The following MAP3K13 variants were observed in gnomAD, a reference collection of about 807,000 sequenced individuals.
The protein encoded by MAP3K13 is mitogen-activated protein kinase kinase kinase 13.
MAP3K13 carries 52 observed loss-of-function variants against 104.0 expected under a neutral mutation model. The ratio of observed to expected loss-of-function variants is 0.50; its 90% confidence interval spans 0.40 to 0.63. The LOEUF (loss-of-function observed/expected upper bound fraction) is 0.63, where lower values mean the gene tolerates loss of function less well. Among genes scored for constraint, MAP3K13 ranks in the 20% least tolerant of loss-of-function variants. The probability of loss-of-function intolerance (pLI) is 0.00; values close to 1 mark genes in which losing one functional copy is unlikely to be tolerated. For synonymous variants in MAP3K13, 394 were observed against 442.2 expected (o/e 0.89, Z 1.37); for missense variants, 914 against 1,218.5 (o/e 0.75, Z 3.72).
Position 185,454,284 on chromosome 3 carries a change from T to G in MAP3K13, c.1278+2889T>G, listed in dbSNP as rs570740778. 1.1e-3 allele frequency among the ~76,000 whole-genome samples: 123 copies of G among 107,940 alleles called. 49 individuals are homozygous for G. In the Middle Eastern group the frequency reaches 0.039, roughly 35 times the overall value. 70.8% of individuals were successfully genotyped at this position (107,940 alleles called of 152,430 possible). On this transcript the variant is annotated intron_variant, in intron 7 of 13. Transcript: ENST00000265026. ...TATGAGATATATATCATATATATGA[T>G]ATATATGAGATATATATCATATATA...
chr3:185,342,188 C>A (rs1722744681), intron 2 of MAP3K13, among the ~76,000 whole-genome samples: 1 of 152,122 alleles, frequency 6.6e-6, no homozygotes. Context: ...TAATGAGAGA[C>A]CCTGAGCCAG....
chr3:185,397,041 T>TG (rs1712465836), intron 1 of MAP3K13, among the ~76,000 whole-genome samples: 1 of 151,620 alleles, frequency 6.6e-6, no homozygotes, highest in Non-Finnish European at 1.5e-5. Context: ...TCTTGTTTGT[T>TG]TTTTTTTCAT....
At chr3:185,338,489 T>C (rs538634129) in intron 2 of MAP3K13, among the ~76,000 whole-genome samples, 2 of 152,272 alleles carry the variant, frequency 1.3e-5, no homozygotes, top group African/African-American at 2.4e-5. Flanking sequence ...AGAAATGACT[T>C]AGAAGCCATA....
At chr3:185,395,258 G>C (rs1712312166) in intron 1 of MAP3K13, among the ~76,000 whole-genome samples, 1 of 151,032 alleles carries the variant, frequency 6.6e-6, no homozygotes, top group Non-Finnish European at 1.5e-5. Context: ...CATGCTTCCA[G>C]AATGACATCG....
At chr3:185,455,952 G>GAGA (rs1560121337) in intron 7 of MAP3K13, among the ~76,000 whole-genome samples, 21 of 140,964 alleles carry the variant, frequency 1.5e-4, no homozygotes, top group African/African-American at 5.2e-4. Flanking sequence ...TATATATGAT[G>GAGA]TATATATATG....
intron 1 of MAP3K13, among the ~76,000 whole-genome samples, chr3:185,366,745 A>G (rs12633817): frequency 0.082 from 12,446 of 152,226 alleles, 655 homozygotes; most frequent in East Asian, 0.21. Context: ...CTTTGGAAAA[A>G]TATCTATTTA....
intron 1 of MAP3K13, among the ~76,000 whole-genome samples, chr3:185,384,577 C>T (rs1215916896): frequency 9.9e-5 from 15 of 152,012 alleles, no homozygotes; most frequent in Admixed American, 9.8e-4. Flanking sequence ...ATTGATGTTC[C>T]CACCAACAGT....
chr3:185,460,376 A>G (rs1256996453), intron 7 of MAP3K13, among the ~76,000 whole-genome samples: 1 of 152,190 alleles, frequency 6.6e-6, no homozygotes, highest in Non-Finnish European at 1.5e-5. Flanking sequence ...TGTGGACAGC[A>G]GGAGAGCAAC....
chr3:185,454,379 GAT>G lies in MAP3K13; in HGVS notation c.1278+2989_1278+2990del, dbSNP rs1346289787. 5.0e-4 allele frequency among the ~76,000 whole-genome samples: 6 copies of G among 11,956 alleles called. 3 individuals carry two copies. In the South Asian group the frequency reaches 0.024, roughly 47 times the overall value. The allele number at this position is 11,956 out of a possible 152,430, so 7.8% of individuals were successfully genotyped here. A position where few individuals can be genotyped will look rare whatever the true frequency, so the allele number is the denominator to read the frequency against. ...AGATATATATGAGATATATATATGA[GAT>G]ATATGAGATATATATGAGATATATA... On this transcript the variant is annotated intron_variant, in intron 7 of 13. Coordinates refer to ENST00000265026, the MANE Select transcript of MAP3K13 (RefSeq NM_004721.5).
chr3:185,443,709 T>C (rs1379572637), intron 4 of MAP3K13, 73 bp downstream of exon 4: 1 of 1,329,054 alleles, frequency 7.5e-7, no homozygotes, highest in African/African-American at 1.4e-5. Context: ...TCAACCTCAG[T>C]TGACGTTTTC....
intron 1 of MAP3K13, among the ~76,000 whole-genome samples, chr3:185,388,446 G>A (rs1187503229): frequency 6.6e-6 from 1 of 152,080 alleles, no homozygotes; most frequent in Admixed American, 6.6e-5. Context: ...AGGCTGTAGC[G>A]AGCCATGATC....
At chr3:185,375,377 A>G (rs1201541091) in intron 1 of MAP3K13, among the ~76,000 whole-genome samples, 1 of 152,188 alleles carries the variant, frequency 6.6e-6, no homozygotes, top group Non-Finnish European at 1.5e-5. Context: ...GAGTAGTAGA[A>G]TAGCAGATGG....
chr3:185,443,992 T>C (rs974592842), intron 4 of MAP3K13, among the ~76,000 whole-genome samples: 38 of 152,200 alleles, frequency 2.5e-4, no homozygotes, highest in Admixed American at 1.4e-3. Flanking sequence ...TCAAAAAACT[T>C]TTTAAACTGA....
chr3:185,313,549 A>T (rs369532686), intron 2 of MAP3K13, among the ~76,000 whole-genome samples: 1 of 152,096 alleles, frequency 6.6e-6, no homozygotes, highest in East Asian at 1.9e-4. Flanking sequence ...GATTACAGGC[A>T]TGAGCCACTG....
intron 1 of MAP3K13, among the ~76,000 whole-genome samples, chr3:185,397,630 C>G (rs56360742): frequency 0.7 from 106,849 of 152,094 alleles, 38,132 homozygotes; most frequent in Non-Finnish European, 0.77. Context: ...CCTTAAAGCT[C>G]TCTGAGAAAC....
intron 12 of MAP3K13, among the ~76,000 whole-genome samples, chr3:185,477,972 T>C (rs866690301): frequency 5.3e-5 from 8 of 152,142 alleles, no homozygotes; most frequent in African/African-American, 1.9e-4. Context: ...TATGAACTCA[T>C]TTAATATTAA....
intron 1 of MAP3K13, among the ~76,000 whole-genome samples, chr3:185,365,256 C>G (rs1723815924): frequency 6.6e-6 from 1 of 152,154 alleles, no homozygotes; most frequent in Admixed American, 6.5e-5. Context: ...AACAATAACT[C>G]TTAATTGTTT....
chr3:185,464,078 G>A (rs563843923), intron 8 of MAP3K13, among the ~76,000 whole-genome samples: 1 of 152,316 alleles, frequency 6.6e-6, no homozygotes, highest in East Asian at 1.9e-4. Flanking sequence ...GAGCCCAGGA[G>A]TTTGAGACCA....
intron 2 of MAP3K13, among the ~76,000 whole-genome samples, chr3:185,348,828 A>G (rs1723031695): frequency 6.6e-6 from 1 of 152,192 alleles, no homozygotes; most frequent in Non-Finnish European, 1.5e-5. Context: ...GAGGCAGGAC[A>G]ATCGCTTGAA....
Sources: allele counts gnomAD v4.1 joint callset (sites outside exome capture counted in the v4.1 genomes callset), GRCh38; gene constraint gnomAD v4.1.1; transcripts MANE v1.5; gene names NCBI Gene and HGNC (gene_info 2026-07-23, HGNC 2026-07-21).